KCNH1: variants seen among roughly 807,000 people sequenced by gnomAD.
KCNH1 encodes voltage-gated delayed rectifier potassium channel KCNH1.
KCNH1 carries 27 observed loss-of-function variants against 69.2 expected under a neutral mutation model. That is an observed-to-expected ratio of 0.39 (90% CI 0.29 to 0.54). The LOEUF is 0.54. KCNH1 is among the 20% of genes least tolerant of loss of function. The pLI, the probability that KCNH1 is intolerant of heterozygous loss-of-function variation, is 0.68. For synonymous variants in KCNH1, 456 were observed against 487.7 expected (o/e 0.93, Z 0.86); for missense variants, 798 against 1,261.6 (o/e 0.63, Z 5.57).
chr1:210,783,976 G>A (rs188974644), intron 9 of KCNH1, among the ~76,000 whole-genome samples: 89 of 152,330 alleles, frequency 5.8e-4, no homozygotes, highest in African/African-American at 2.1e-3. Context: ...GGACTGAAGA[G>A]TAAAATGATG....
intron 3 of KCNH1, among the ~76,000 whole-genome samples, chr1:211,093,738 T>C (rs1691096414): frequency 6.6e-6 from 1 of 152,246 alleles, no homozygotes; most frequent in Non-Finnish European, 1.5e-5. Context: ...GACCTCCTTT[T>C]TCGTGATCTG....
intron 6 of KCNH1, among the ~76,000 whole-genome samples, chr1:211,003,058 T>C (rs1387229237): frequency 6.6e-6 from 1 of 151,934 alleles, no homozygotes; most frequent in African/African-American, 2.4e-5. Context: ...TGTTTGTTTG[T>C]TTGTTTACAT....
At chr1:210,953,007 A>G (rs1688091677) in intron 6 of KCNH1, among the ~76,000 whole-genome samples, 1 of 152,130 alleles carries the variant, frequency 6.6e-6, no homozygotes, top group Admixed American at 6.5e-5. Flanking sequence ...AGCTGTTCCA[A>G]CTTTTCATAC....
chr1:211,090,908 T>C (rs1691040383), intron 3 of KCNH1, among the ~76,000 whole-genome samples: 1 of 152,216 alleles, frequency 6.6e-6, no homozygotes, highest in African/African-American at 2.4e-5. Context: ...CCTGTTCAAC[T>C]AATTTTCCAA....
At chr1:210,827,041 G>A (rs1685047019) in intron 7 of KCNH1, among the ~76,000 whole-genome samples, 1 of 152,216 alleles carries the variant, frequency 6.6e-6, no homozygotes, top group Admixed American at 6.5e-5. Context: ...CAACCTCTTA[G>A]AAATATCGGC....
intron 6 of KCNH1, among the ~76,000 whole-genome samples, chr1:210,964,116 G>C (rs1688349722): frequency 6.6e-6 from 1 of 151,866 alleles, no homozygotes. Flanking sequence ...CCACAAGCCA[G>C]AAGTGGGGAC....
At chr1:211,039,918 G>A (rs1028214792) in intron 5 of KCNH1, among the ~76,000 whole-genome samples, 6 of 152,236 alleles carry the variant, frequency 3.9e-5, no homozygotes, top group Admixed American at 6.5e-5. Context: ...GGCTGGGTGC[G>A]GTGGCTCACG....
intron 6 of KCNH1, among the ~76,000 whole-genome samples, chr1:210,973,505 C>T (rs181298395): frequency 1.4e-4 from 22 of 152,232 alleles, no homozygotes; most frequent in African/African-American, 5.1e-4. Context: ...TTAAATGACT[C>T]CAATTCCATT....
chr1:210,934,491 T>C (rs1431283174), intron 6 of KCNH1, among the ~76,000 whole-genome samples: 3 of 152,078 alleles, frequency 2.0e-5, no homozygotes, highest in Non-Finnish European at 2.9e-5. Flanking sequence ...ATACAAAAAT[T>C]AGCTGGGCAT....
chr1:210,976,465 G>A (rs888491653), intron 6 of KCNH1, among the ~76,000 whole-genome samples: 7 of 148,488 alleles, frequency 4.7e-5, no homozygotes, highest in African/African-American at 1.7e-4. Flanking sequence ...AGGTGCTGGA[G>A]AGGATGTGGA....
intron 6 of KCNH1, among the ~76,000 whole-genome samples, chr1:210,983,830 G>T (rs533832200): frequency 6.6e-6 from 1 of 152,250 alleles, no homozygotes; most frequent in East Asian, 1.9e-4. Flanking sequence ...TAGCTTGATG[G>T]GAATGGCATT....
chr1:210,813,792 A>G (rs1413918720), intron 7 of KCNH1, among the ~76,000 whole-genome samples: 3 of 152,196 alleles, frequency 2.0e-5, no homozygotes, highest in African/African-American at 7.2e-5. Flanking sequence ...CAGCTACCAT[A>G]ATTCCCATGT....
At chr1:211,127,443 AAAT>A (rs1390283643) in intron 1 of KCNH1, among the ~76,000 whole-genome samples, 2 of 151,390 alleles carry the variant, frequency 1.3e-5, no homozygotes, top group African/African-American at 2.4e-5. Flanking sequence ...AAAAAAAAAA[AAAT>A]CCCACCACAC....
chr1:210,844,452 C>A (rs1478362813), intron 7 of KCNH1, among the ~76,000 whole-genome samples: 1 of 152,188 alleles, frequency 6.6e-6, no homozygotes, highest in African/African-American at 2.4e-5. Context: ...TACATGGAAA[C>A]TGAACAACCT....
intron 7 of KCNH1, among the ~76,000 whole-genome samples, chr1:210,811,770 C>T (rs1412692384): frequency 2.0e-5 from 3 of 152,058 alleles, no homozygotes; most frequent in South Asian, 2.1e-4. Flanking sequence ...TAAATAACAC[C>T]GCCACCTCAA....
intron 1 of KCNH1, among the ~76,000 whole-genome samples, chr1:211,120,791 T>C (rs918658914): frequency 2.6e-5 from 4 of 152,162 alleles, no homozygotes; most frequent in African/African-American, 2.4e-5. Flanking sequence ...CACCATCATC[T>C]CAGCCCAAAA....
At chr1:210,967,954 T>C (rs1688439520) in intron 6 of KCNH1, among the ~76,000 whole-genome samples, 1 of 152,034 alleles carries the variant, frequency 6.6e-6, no homozygotes, top group African/African-American at 2.4e-5. Context: ...GCCATGCTGG[T>C]GCACTGCACC....
At chr1:210,920,302 T>C (rs531975541) in intron 6 of KCNH1, among the ~76,000 whole-genome samples, 2 of 152,254 alleles carry the variant, frequency 1.3e-5, no homozygotes, top group East Asian at 1.9e-4. Flanking sequence ...ACAAAACAAA[T>C]ATAATTAGAA....
In KCNH1 at chr1:210,956,935, T is replaced by C. The variant is rs1339589535; in HGVS notation, c.1033-36866A>G. Among the ~76,000 whole-genome samples, 25 of 152,306 alleles carry C rather than the reference T, an allele frequency of 1.6e-4. No individual in the cohort carries two copies. In the South Asian group the frequency reaches 5.0e-3, roughly 30 times the overall value. On this transcript the variant is annotated intron_variant, in intron 6 of 10. Transcript: ENST00000271751. ...TCCTTCAATTCCACTCAGATCTTAG[T>C]TATTTCTTGCCTTCTGCTAACTTTT...
Sources: gnomAD v4.1 joint callset for allele counts (sites outside exome capture counted in the v4.1 genomes callset) on GRCh38, gnomAD v4.1.1 for gene constraint, MANE v1.5 for transcripts, NCBI Gene and HGNC (gene_info 2026-07-23, HGNC 2026-07-21) for gene names.